CSMD3: variants seen among roughly 807,000 people sequenced by gnomAD.
CSMD3 encodes CUB and Sushi multiple domains 3.
A neutral mutation model predicts 435.2 loss-of-function variants in CSMD3; 177 were observed. That is an observed-to-expected ratio of 0.41 (90% CI 0.36 to 0.46). The LOEUF (loss-of-function observed/expected upper bound fraction) is 0.46. Ranked by LOEUF, CSMD3 falls within the 20% of genes least tolerant of loss-of-function variation. The pLI is 0.34. For synonymous variants in CSMD3, 1,656 were observed against 1,520.5 expected, an observed-to-expected ratio of 1.09 and a Z score of -2.07; for missense variants, 4,265 against 4,504.6, an observed-to-expected ratio of 0.95 and a Z score of 1.52.
intron 2 of CSMD3, among the ~76,000 whole-genome samples, chr8:113,295,051 A>C (rs574336503): frequency 6.6e-6 from 1 of 152,294 alleles, no homozygotes; most frequent in Non-Finnish European, 1.5e-5. Flanking sequence ...TTTAATGGGT[A>C]CATAGCAGGT....
chr8:113,245,441 C>T lies in CSMD3; in HGVS notation c.514+33151G>A, dbSNP rs188644970. Among the ~76,000 whole-genome samples, 3 of 151,658 alleles carry T rather than the reference C, an allele frequency of 2.0e-5. No individual in the cohort carries two copies. The East Asian group carries it at 5.8e-4, about 29-fold the overall frequency. On this transcript the variant is annotated intron_variant, in intron 3 of 70. Transcript: ENST00000297405. ...ATTGAGTTATTCTCTTAGAGCTTAT[C>T]CTGTAGATTAAAACACATGCATTTA...
intron 4 of CSMD3, among the ~76,000 whole-genome samples, chr8:113,169,911 C>A (rs2092235756): frequency 6.6e-6 from 1 of 152,106 alleles, no homozygotes; most frequent in African/African-American, 2.4e-5. Context: ...CAGCAGCAGG[C>A]AGTTAGTTGA....
intron 22 of CSMD3, among the ~76,000 whole-genome samples, chr8:112,613,641 G>A (rs1014484293): frequency 6.6e-6 from 1 of 152,118 alleles, no homozygotes; most frequent in Admixed American, 6.6e-5. Flanking sequence ...ATACTATGGA[G>A]TGATTGTAGG....
chr8:113,314,747 A>G lies in CSMD3; in HGVS notation c.225T>C (p.Thr75=). 6.2e-7 allele frequency: 1 copy of G among 1,613,038 alleles called. No homozygotes were observed. Among genetic ancestry groups the G allele is most frequent in the Non-Finnish European group, 8.5e-7 (1 of 1,179,302 alleles). The part of the protein sequence containing the change: ...CGGTLKGLNG[T]IESPGFPYGY... ...CATATGGAAAACCAGGGCTTTCTAT[A>G]GTGCCATTAAGTCCTTTTAAAGTTC... The change falls in exon 2 of 71, where the codon ACT becomes ACC. Residue 75 remains threonine, a synonymous_variant. Coordinates refer to ENST00000297405, the MANE Select transcript of CSMD3 (RefSeq NM_198123.2).
intron 3 of CSMD3, among the ~76,000 whole-genome samples, chr8:113,212,548 C>G (rs182453517): frequency 6.8e-4 from 103 of 152,240 alleles, no homozygotes; most frequent in Non-Finnish European, 1.3e-3. Context: ...CCATAGAATA[C>G]TATGCAATCA....
intron 47 of CSMD3, among the ~76,000 whole-genome samples, chr8:112,317,455 CT>C (rs879942454): frequency 1.3e-5 from 2 of 151,956 alleles, no homozygotes; most frequent in East Asian, 1.9e-4. Context: ...GTCTGCTCAA[CT>C]TTTTTTCCCA....
chr8:112,814,108 A>G (rs1291751535), intron 12 of CSMD3, among the ~76,000 whole-genome samples: 1 of 152,180 alleles, frequency 6.6e-6, no homozygotes, highest in Non-Finnish European at 1.5e-5. Flanking sequence ...GAGTTCCAGA[A>G]GTTTATATAT....
intron 61 of CSMD3, among the ~76,000 whole-genome samples, chr8:112,257,039 C>T (rs548351957): frequency 1.3e-5 from 2 of 152,244 alleles, no homozygotes; most frequent in South Asian, 2.1e-4. Context: ...CAAGACTACA[C>T]GATAAACTTG....
At chr8:112,322,872 C>G (rs958643042) in intron 45 of CSMD3, among the ~76,000 whole-genome samples, 1 of 151,984 alleles carries the variant, frequency 6.6e-6, no homozygotes, top group Non-Finnish European at 1.5e-5. Flanking sequence ...CTACCTTTTT[C>G]ACTATCCAGG....
intron 11 of CSMD3, among the ~76,000 whole-genome samples, chr8:112,830,530 T>A (rs983305998): frequency 6.6e-6 from 1 of 152,032 alleles, no homozygotes; most frequent in African/African-American, 2.4e-5. Context: ...AAAATGTAAT[T>A]AAGAATCAGT....
chr8:113,119,294 G>A (rs1472723137), intron 4 of CSMD3, among the ~76,000 whole-genome samples: 1 of 152,084 alleles, frequency 6.6e-6, no homozygotes, highest in Non-Finnish European at 1.5e-5. Flanking sequence ...CTTTAAAATA[G>A]ATCATCAAAT....
At chr8:112,514,750 G>A (rs772573430) in intron 28 of CSMD3, among the ~76,000 whole-genome samples, 13 of 152,038 alleles carry the variant, frequency 8.6e-5, no homozygotes, top group East Asian at 1.9e-4. Flanking sequence ...CAAGCAAAAC[G>A]CTTTATGCTT....
Position 112,638,556 on chromosome 8 carries a change from T to C in CSMD3, c.3526+140A>G, listed in dbSNP as rs918377804. 15 of 646,716 alleles carry C rather than the reference T, an allele frequency of 2.3e-5. No individual in the cohort carries two copies. The East Asian group carries it at 2.5e-4, about 11-fold the overall frequency. 40.1% of individuals were successfully genotyped at this position (646,716 alleles called of 1,614,324 possible). A position where few individuals can be genotyped will look rare whatever the true frequency, so the allele number is the denominator to read the frequency against. ...CAAGCTTTCCTTAAAACTTGACACA[T>C]ACTACTTTGCTTTCTTCTTTTTAAA... On this transcript the variant is annotated intron_variant, in intron 21 of 70. Coordinates refer to ENST00000297405, the MANE Select transcript of CSMD3 (RefSeq NM_198123.2).
intron 10 of CSMD3, among the ~76,000 whole-genome samples, chr8:112,870,444 A>ATT (rs555225164): frequency 7.0e-5 from 10 of 142,244 alleles, no homozygotes; most frequent in South Asian, 2.2e-4. Context: ...AATTTTTTGC[A>ATT]TTTTTTTTTT....
rs1376463357 is a variant in CSMD3, at chr8:112,714,390, T to TA, written c.1973-24341dup. Among the ~76,000 whole-genome samples the TA allele has an allele frequency of 2.0e-5, 3 of 152,136 alleles. No homozygotes were observed. In the East Asian group the frequency reaches 5.8e-4, roughly 29 times the overall value. On this transcript the variant is annotated intron_variant, in intron 13 of 70. Coordinates refer to ENST00000297405, the MANE Select transcript of CSMD3 (RefSeq NM_198123.2). ...TGAAGAGCTAACTATTCTAGATATA[T>TA]ATGTACCCAATACAGGAGCTCCCAG...
At chr8:113,293,047 C>G (rs1387101697) in intron 2 of CSMD3, among the ~76,000 whole-genome samples, 1 of 151,746 alleles carries the variant, frequency 6.6e-6, no homozygotes, top group East Asian at 1.9e-4. Flanking sequence ...AATGTTAAAT[C>G]ATTGCAACCA....
At chr8:113,027,580 C>A (rs569583444) in intron 5 of CSMD3, among the ~76,000 whole-genome samples, 1 of 152,182 alleles carries the variant, frequency 6.6e-6, no homozygotes, top group Non-Finnish European at 1.5e-5. Context: ...ACACAGAATT[C>A]TGCATGGTTT....
At chr8:113,191,633 A>G (rs560127442) in intron 3 of CSMD3, among the ~76,000 whole-genome samples, 4 of 151,704 alleles carry the variant, frequency 2.6e-5, no homozygotes, top group African/African-American at 9.6e-5. Flanking sequence ...GTGTCTATGT[A>G]TCACATTTTC....
chr8:113,308,134 T>C (rs2093836382), intron 2 of CSMD3, among the ~76,000 whole-genome samples: 1 of 152,024 alleles, frequency 6.6e-6, no homozygotes, highest in African/African-American at 2.4e-5. Context: ...TACAAAATTT[T>C]GCTATTATTT....
Sources: gnomAD v4.1 joint callset for allele counts (sites outside exome capture counted in the v4.1 genomes callset) on GRCh38, gnomAD v4.1.1 for gene constraint, MANE v1.5 for transcripts, NCBI Gene and HGNC (gene_info 2026-07-23, HGNC 2026-07-21) for gene names.